SLC25A37: variants seen among roughly 807,000 people sequenced by gnomAD.
SLC25A37 encodes the protein solute carrier family 25 member 37, also known as mitoferrin-1.
Under a neutral mutation model 31.0 loss-of-function variants are expected in SLC25A37, and 17 were observed. The ratio of observed to expected loss-of-function variants is 0.55; its 90% confidence interval spans 0.38 to 0.82. SLC25A37 has a LOEUF of 0.82. Ranked by LOEUF, SLC25A37 falls within the 40% of genes least tolerant of loss-of-function variation. The probability of loss-of-function intolerance (pLI) is 0.00; values close to 1 mark genes in which losing one functional copy is unlikely to be tolerated. For synonymous variants in SLC25A37, 222 were observed against 193.0 expected (o/e 1.15, Z -1.24); for missense variants, 404 against 465.8 (o/e 0.87, Z 1.22).
intron 1 of SLC25A37, among the ~76,000 whole-genome samples, chr8:23,562,723 T>A (rs893999476): frequency 6.6e-6 from 1 of 152,228 alleles, no homozygotes; most frequent in African/African-American, 2.4e-5. Context: ...TTATCCCATT[T>A]AATTTTCCCA....
chr8:23,573,821 C>G lies in SLC25A37; in HGVS notation c.*1966C>G, dbSNP rs894773030. The G allele has an allele frequency of 2.2e-6, 1 of 456,754 alleles. No homozygotes were observed. The highest frequency in any genetic ancestry group is 2.0e-5 in the African/African-American group (1 of 50,218). 28.3% of individuals were successfully genotyped at this position (456,754 alleles called of 1,614,324 possible). A position where few individuals can be genotyped will look rare whatever the true frequency, so the allele number is the denominator to read the frequency against. ...TGGCAGTTAACGCCTTCTCCCTGCT[C>G]TGCCCCCCACTCCCCAAAACCAGTT... On this transcript the variant is annotated 3_prime_UTR_variant, in exon 4 of 4. Coordinates refer to ENST00000519973, the MANE Select transcript of SLC25A37 (RefSeq NM_016612.4).
chr8:23,535,769 A>G (rs1801754437), intron 1 of SLC25A37, among the ~76,000 whole-genome samples: 2 of 152,226 alleles, frequency 1.3e-5, no homozygotes, highest in African/African-American at 2.4e-5. Context: ...TTACATGGTA[A>G]CAGACAAGAA....
intron 2 of SLC25A37, chr8:23,566,880 C>T (rs138882520): frequency 2.0e-4 from 195 of 954,558 alleles, no homozygotes; most frequent in African/African-American, 1.9e-3. Flanking sequence ...CTTAAGCTTC[C>T]GGGGATCTGG....
chr8:23,554,205 A>G (rs1023139363), intron 1 of SLC25A37, among the ~76,000 whole-genome samples: 10 of 152,140 alleles, frequency 6.6e-5, no homozygotes, highest in South Asian at 2.1e-4. Flanking sequence ...GGTTGCTAAT[A>G]TTGCTGTTTT....
intron 1 of SLC25A37, among the ~76,000 whole-genome samples, chr8:23,563,451 C>T (rs966999804): frequency 1.2e-4 from 18 of 152,302 alleles, no homozygotes; most frequent in African/African-American, 3.6e-4. Context: ...CCTCCCAAAG[C>T]GCCAGGATTA....
rs544704232 is a variant in SLC25A37, at chr8:23,550,081, T to C, written c.211-16027T>C. 1.8e-3 allele frequency among the ~76,000 whole-genome samples: 235 copies of C among 131,488 alleles called. 48 individuals carry two copies. The highest frequency in any genetic ancestry group is 7.1e-3 in the African/African-American group (200 of 28,044). 86.3% of individuals were successfully genotyped at this position (131,488 alleles called of 152,430 possible). On this transcript the variant is annotated intron_variant, in intron 1 of 3. Transcript: ENST00000519973. ...CTGTAATCCCAGCTACTTGGGAGGC[T>C]GAGGCAGGAGAATCGCTTGAACCCG...
At chr8:23,552,094 A>G (rs915183123) in intron 1 of SLC25A37, among the ~76,000 whole-genome samples, 2 of 152,246 alleles carry the variant, frequency 1.3e-5, no homozygotes, top group African/African-American at 4.8e-5. Flanking sequence ...TTTATCAGCA[A>G]GTAGAGAAAA....
intron 1 of SLC25A37, among the ~76,000 whole-genome samples, chr8:23,535,162 C>G (rs566867598): frequency 2.0e-4 from 31 of 152,308 alleles, no homozygotes; most frequent in South Asian, 1.2e-3. Context: ...GTTCTTCCAA[C>G]CCTGGCTTGC....
Position 23,574,066 on chromosome 8 carries a change from C to A in SLC25A37, c.*2211C>A. The A allele has an allele frequency of 2.9e-6, 1 of 341,648 alleles. No individual in the cohort carries two copies. Among genetic ancestry groups the A allele is most frequent in the East Asian group, 7.6e-5 (1 of 13,090 alleles). The allele number at this position is 341,648 out of a possible 1,614,324, so 21.2% of individuals were successfully genotyped here. A position where few individuals can be genotyped will look rare whatever the true frequency, so the allele number is the denominator to read the frequency against. The stretch of plus-strand genomic sequence containing the variant: ...CCCCTTTTGGTCCACTTAAGATATG[C>A]CACGCTGAAGCAAGGTATTTCCTAC... On this transcript the variant is annotated 3_prime_UTR_variant, in exon 4 of 4. Coordinates refer to ENST00000519973, the MANE Select transcript of SLC25A37 (RefSeq NM_016612.4).
chr8:23,533,743 T>C (rs1388375425), intron 1 of SLC25A37, among the ~76,000 whole-genome samples: 2 of 152,192 alleles, frequency 1.3e-5, no homozygotes, highest in African/African-American at 2.4e-5. Flanking sequence ...ATTTGTGTTT[T>C]TGTTTTTGTT....
rs1476380771 is a variant in SLC25A37, at chr8:23,574,749, G to A, written c.*2894G>A. On this transcript the variant is annotated 3_prime_UTR_variant, in exon 4 of 4. Coordinates refer to ENST00000519973, the MANE Select transcript of SLC25A37 (RefSeq NM_016612.4). ...CTTATTGTGACTTTGACAATGCAAA[G>A]TGCAAAATAGGAAGAGGCCTCCCCA... The A allele has an allele frequency of 6.4e-6, 1 of 155,382 alleles. No individual in the cohort carries two copies. The highest frequency in any genetic ancestry group is 1.5e-5 in the Non-Finnish European group (1 of 68,358). 9.6% of individuals were successfully genotyped at this position (155,382 alleles called of 1,614,324 possible).
Position 23,529,207 on chromosome 8 carries a change from G to C in SLC25A37, c.205G>C (p.Val69Leu), listed in dbSNP as rs778619732. The C allele has an allele frequency of 6.2e-7, 1 of 1,606,970 alleles. No individual in the cohort carries two copies. Among genetic ancestry groups the C allele is most frequent in the Non-Finnish European group, 8.5e-7 (1 of 1,177,416 alleles). ...EHSVMYPVDS[V>L]KTRMQSLSPD... ...CTCGGTCATGTACCCGGTGGACTCG[G>C]TGAAGGTGAGGCGCGGGGAGACTTC... The change falls in exon 1 of 4, where the codon GTG (valine) becomes CTG (leucine). Residue 69 changes from valine to leucine, a missense_variant. Val to Leu is a conservative substitution (Grantham distance 32). This residue lies in a region of SLC25A37 where 154 missense variants were observed against 153.6 expected (regional missense o/e 1.00). Coordinates refer to ENST00000519973, the MANE Select transcript of SLC25A37 (RefSeq NM_016612.4). The surrounding 1 kb of genome is among the most constrained non-coding windows in gnomAD (Gnocchi z 4.1).
chr8:23,548,506 G>A (rs1802132222), intron 1 of SLC25A37, among the ~76,000 whole-genome samples: 1 of 107,140 alleles, frequency 9.3e-6, no homozygotes, highest in Admixed American at 1.0e-4. Context: ...TAGACTTGTT[G>A]CCCCCCCAGG....
intron 1 of SLC25A37, among the ~76,000 whole-genome samples, chr8:23,556,624 G>A (rs897927887): frequency 2.0e-5 from 3 of 151,914 alleles, no homozygotes; most frequent in African/African-American, 7.3e-5. Flanking sequence ...ATGTATATAT[G>A]TGTGTATATA....
intron 3 of SLC25A37, among the ~76,000 whole-genome samples, chr8:23,569,414 C>T (rs1802759702): frequency 6.6e-6 from 1 of 152,024 alleles, no homozygotes; most frequent in African/African-American, 2.4e-5. Context: ...CACACACACA[C>T]ACACACACAC....
At chr8:23,568,700 T>C (rs968252601) in intron 3 of SLC25A37, 2 of 334,154 alleles carry the variant, frequency 6.0e-6, no homozygotes, top group African/African-American at 2.1e-5. Flanking sequence ...CAGCATTTTT[T>C]GGGAGGCCGA....
At chr8:23,556,879 C>G (rs34217343) in intron 1 of SLC25A37, among the ~76,000 whole-genome samples, 21,382 of 152,004 alleles carry the variant, frequency 0.14, 1,950 homozygotes, top group Admixed American at 0.24. Flanking sequence ...GAGACAGATT[C>G]TCGCTCTGTC....
In SLC25A37 at chr8:23,563,039, G is replaced by A. The variant is rs113649525; in HGVS notation, c.211-3069G>A. On this transcript the variant is annotated intron_variant, in intron 1 of 3. Coordinates refer to ENST00000519973, the MANE Select transcript of SLC25A37 (RefSeq NM_016612.4). ...TGGCATGGTGTGTACATCTTCATTCGTTTGGTCTGGCCAACAGCCACTCGG... is the reference window on the plus strand; with the variant it reads ...TGGCATGGTGTGTACATCTTCATTCATTTGGTCTGGCCAACAGCCACTCGG... Among the ~76,000 whole-genome samples the A allele has an allele frequency of 6.9e-3, 1,047 of 152,252 alleles. 17 individuals carry two copies. Among genetic ancestry groups the A allele is most frequent in the African/African-American group, 0.024 (996 of 41,546 alleles).
chr8:23,568,264 A>G (rs181877407), intron 2 of SLC25A37, 58 bp from the exon 3 acceptor site: 2 of 1,596,326 alleles, frequency 1.3e-6, no homozygotes, highest in South Asian at 1.1e-5. Context: ...TTTAGGTTCC[A>G]GGAACTTCCT....
Sources: gnomAD v4.1 joint callset for allele counts (sites outside exome capture counted in the v4.1 genomes callset) on GRCh38, gnomAD v4.1.1 for gene constraint, gnomAD v4.1.1 regional missense constraint, Gnocchi (gnomAD v3.1) non-coding constraint, MANE v1.5 for transcripts, NCBI Gene and HGNC (gene_info 2026-07-23, HGNC 2026-07-21) for gene names.